The following ATP13A5 variants were observed in gnomAD, a reference collection of about 807,000 sequenced individuals.
ATP13A5 encodes ATPase 13A5.
In ATP13A5, 149 loss-of-function variants were observed where a neutral mutation model predicts 150.2. The ratio of observed to expected loss-of-function variants is 0.99; its 90% CI spans 0.87 to 1.14. The LOEUF (loss-of-function observed/expected upper bound fraction) is 1.14. Ranked by LOEUF, ATP13A5 falls within the 50% of genes most tolerant of loss-of-function variation. ATP13A5 has a pLI of 0.00. For missense variants in ATP13A5, 1,383 were observed against 1,449.3 expected (o/e 0.95, Z 0.74); for synonymous variants, 497 against 522.2 (o/e 0.95, Z 0.66).
chr3:193,308,554 C>T (rs889109150), intron 21 of ATP13A5, among the ~76,000 whole-genome samples: 6 of 152,170 alleles, frequency 3.9e-5, no homozygotes, highest in African/African-American at 1.4e-4. Flanking sequence ...ATGTTCATGT[C>T]ATGACTACCC....
At chr3:193,372,190 AG>A (rs1255013904) in intron 1 of ATP13A5, 1 of 171,294 alleles carries the variant, frequency 5.8e-6, no homozygotes, top group African/African-American at 2.4e-5. Flanking sequence ...CCAACTACTC[AG>A]TAGACTGAGG....
chr3:193,299,042 TC>T, intron 25 of ATP13A5, 88 bp downstream of exon 25: 1 of 1,081,214 alleles, frequency 9.2e-7, no homozygotes. Context: ...TAAGGGTGCC[TC>T]TTTCTCAAAA....
At chr3:193,344,704 C>T (rs1042753476) in intron 8 of ATP13A5, among the ~76,000 whole-genome samples, 2 of 152,012 alleles carry the variant, frequency 1.3e-5, no homozygotes, top group African/African-American at 4.8e-5. Context: ...TGAAGGAACC[C>T]AGACATTGGG....
chr3:193,322,094 A>G (rs1387699), intron 15 of ATP13A5, among the ~76,000 whole-genome samples: 119,921 of 152,092 alleles, frequency 0.79, 47,412 homozygotes, highest in East Asian at 0.93. Flanking sequence ...TCTCCTCTGC[A>G]GTGCTTTTAT....
intron 1 of ATP13A5, among the ~76,000 whole-genome samples, chr3:193,368,693 A>T (rs545702433): frequency 6.4e-4 from 98 of 152,324 alleles, no homozygotes; most frequent in Non-Finnish European, 1.4e-3. Context: ...TGATTTGCTC[A>T]ACAAACAGTG....
chr3:193,374,953 A>G (rs761490564), intron 1 of ATP13A5, among the ~76,000 whole-genome samples: 17 of 152,136 alleles, frequency 1.1e-4, no homozygotes, highest in Non-Finnish European at 2.2e-4. Context: ...CCATGGAATG[A>G]CACAGCAAGA....
At chr3:193,302,103 G>T (rs1718423072) in intron 23 of ATP13A5, among the ~76,000 whole-genome samples, 1 of 152,114 alleles carries the variant, frequency 6.6e-6, no homozygotes, top group Non-Finnish European at 1.5e-5. Context: ...TCTGCTCAGG[G>T]CAGAAGCAAT....
In ATP13A5 at chr3:193,331,183, G is replaced by A; in HGVS notation, c.1401C>T (p.Phe467=). 6.2e-7 allele frequency: 1 copy of A among 1,614,096 alleles called. No homozygotes were observed. Among genetic ancestry groups the A allele is most frequent in the Non-Finnish European group, 8.5e-7 (1 of 1,179,972 alleles). The change falls in exon 12 of 30, where the codon TTC becomes TTT. Residue 467 remains phenylalanine, a synonymous_variant. Coordinates refer to ENST00000342358, the MANE Select transcript of ATP13A5 (RefSeq NM_198505.4). ...AQKRLKKKKI[F]CISPQRINMC... ...TGTTGATTCTCTGTGGGGAGATACA[G>A]AAGATTTTCTTTTTCTTCAGTCTCT...
At chr3:193,361,475 C>A (rs1041191947) in intron 5 of ATP13A5, among the ~76,000 whole-genome samples, 5 of 152,088 alleles carry the variant, frequency 3.3e-5, no homozygotes, top group African/African-American at 1.2e-4. Flanking sequence ...AGCTTAAAAC[C>A]TATATTTTAA....
At chr3:193,360,214 A>G (rs1369888956) in intron 5 of ATP13A5, among the ~76,000 whole-genome samples, 1 of 152,040 alleles carries the variant, frequency 6.6e-6, no homozygotes, top group African/African-American at 2.4e-5. Flanking sequence ...CCTTCTCACA[A>G]TTTCTCTCCG....
chr3:193,298,643 T>C (rs1237326514), intron 25 of ATP13A5, among the ~76,000 whole-genome samples: 1 of 152,090 alleles, frequency 6.6e-6, no homozygotes, highest in African/African-American at 2.4e-5. Context: ...AGGAAATACT[T>C]TACCAGTGTC....
intron 5 of ATP13A5, among the ~76,000 whole-genome samples, chr3:193,360,947 G>C (rs1712984891): frequency 6.6e-6 from 1 of 152,172 alleles, no homozygotes; most frequent in South Asian, 2.1e-4. Context: ...AAAGTGCTGG[G>C]ATTACAGGTG....
At position 193,315,097 on chromosome 3, in the gene ATP13A5, C is replaced by A; in HGVS notation, c.2034-1G>T. ...TGTTAACTCTGACTCCACTTTTTCT[C>A]TTTGTATTCAGGAGAAAATCAATAT... is the stretch of plus-strand genomic sequence containing the variant. On this transcript the variant is annotated splice_acceptor_variant, in intron 17 of 29. Coordinates refer to ENST00000342358, the MANE Select transcript of ATP13A5 (RefSeq NM_198505.4). LOFTEE classifies it high-confidence loss of function. 6.2e-7 allele frequency: 1 copy of A among 1,612,084 alleles called. No individual in the cohort carries two copies. The highest frequency in any genetic ancestry group is 8.5e-7 in the Non-Finnish European group (1 of 1,178,798).
intron 23 of ATP13A5, among the ~76,000 whole-genome samples, chr3:193,301,722 T>A (rs1406978173): frequency 6.6e-6 from 1 of 152,190 alleles, no homozygotes; most frequent in Non-Finnish European, 1.5e-5. Flanking sequence ...ACATGCTTCC[T>A]GGGAATTGCA....
At chr3:193,372,212 G>A (rs758260625) in intron 1 of ATP13A5, 19 of 162,888 alleles carry the variant, frequency 1.2e-4, no homozygotes, top group Non-Finnish European at 2.1e-4. Flanking sequence ...CAGGAAAATC[G>A]CTTGAACCTG....
intron 23 of ATP13A5, among the ~76,000 whole-genome samples, chr3:193,303,023 G>A (rs1168719389): frequency 6.6e-6 from 1 of 152,160 alleles, no homozygotes; most frequent in Non-Finnish European, 1.5e-5. Flanking sequence ...TGCATGAGGA[G>A]GAGCATCTGA....
chr3:193,279,472 ATTATTT>A lies in ATP13A5; in HGVS notation c.3227-24_3227-19del, dbSNP rs779308472. 2 of 1,593,438 alleles carry A rather than the reference ATTATTT, an allele frequency of 1.3e-6. No individual in the cohort carries two copies. The highest frequency in any genetic ancestry group is 2.7e-5 in the African/African-American group (2 of 74,378). On this transcript the variant is annotated intron_variant, in intron 27 of 29. Coordinates refer to ENST00000342358, the MANE Select transcript of ATP13A5 (RefSeq NM_198505.4). ...AAATATATCTGAGGAAATACCAAAC[ATTATTT>A]TTAGATGTTAAAAGAATGTTTCATA... is the stretch of plus-strand genomic sequence containing the variant.
chr3:193,330,683 C>A (rs1403683759), intron 12 of ATP13A5, among the ~76,000 whole-genome samples: 2 of 152,200 alleles, frequency 1.3e-5, no homozygotes, highest in Non-Finnish European at 2.9e-5. Context: ...CCTGGAGGAG[C>A]AAAGGGGCAG....
intron 1 of ATP13A5, among the ~76,000 whole-genome samples, chr3:193,372,630 C>T (rs1261555216): frequency 6.6e-6 from 1 of 152,128 alleles, no homozygotes; most frequent in Admixed American, 6.6e-5. Context: ...TTTACTAAGG[C>T]ATTCCAGGGC....
Sources: gnomAD v4.1 joint callset for allele counts (sites outside exome capture counted in the v4.1 genomes callset) on GRCh38, gnomAD v4.1.1 for gene constraint, MANE v1.5 for transcripts, NCBI Gene and HGNC (gene_info 2026-07-23, HGNC 2026-07-21) for gene names.